Variants in CTIF observed in about 807,000 individuals in gnomAD.
CTIF encodes the protein cap binding complex dependent translation initiation factor.
In CTIF, 21 loss-of-function variants were observed where a neutral mutation model predicts 66.0. That is an observed-to-expected ratio of 0.32 (90% CI 0.23 to 0.46). The LOEUF (loss-of-function observed/expected upper bound fraction) is 0.46, where lower values mean the gene tolerates loss of function less well. Among genes scored for constraint, CTIF ranks in the 20% least tolerant of loss-of-function variants. The probability of loss-of-function intolerance (pLI) is 1.00; values close to 1 mark genes in which losing one functional copy is unlikely to be tolerated. For missense variants in CTIF, 739 were observed against 812.7 expected (o/e 0.91, Z 1.10); for synonymous variants, 345 against 326.4 (o/e 1.06, Z -0.62).
chr18:48,597,682 T>G (rs1025470916), intron 1 of CTIF, among the ~76,000 whole-genome samples: 6 of 151,998 alleles, frequency 3.9e-5, no homozygotes, highest in Admixed American at 1.3e-4. Context: ...GCTGGTGCAA[T>G]GCTTGTACAG....
intron 1 of CTIF, among the ~76,000 whole-genome samples, chr18:48,619,214 G>T (rs2090449373): frequency 1.3e-5 from 2 of 152,198 alleles, no homozygotes; most frequent in South Asian, 4.1e-4. Flanking sequence ...TGGCCTGTAG[G>T]CTGAGCTCAT....
chr18:48,821,118 T>C (rs1568245453), intron 10 of CTIF, among the ~76,000 whole-genome samples: 1 of 152,234 alleles, frequency 6.6e-6, no homozygotes, highest in East Asian at 1.9e-4. Context: ...TCCCTGACAC[T>C]TCTTCCTAGG....
At chr18:48,750,056 A>C (rs969238456) in intron 7 of CTIF, among the ~76,000 whole-genome samples, 1 of 152,210 alleles carries the variant, frequency 6.6e-6, no homozygotes, top group Non-Finnish European at 1.5e-5. Context: ...GGAATGCTGG[A>C]TTCACCCTGG....
intron 1 of CTIF, among the ~76,000 whole-genome samples, chr18:48,616,046 G>A (rs536671760): frequency 6.6e-6 from 1 of 152,314 alleles, no homozygotes; most frequent in South Asian, 2.1e-4. Flanking sequence ...AGACACTCGG[G>A]CATGTTTGGG....
At chr18:48,707,953 A>T (rs1405838429) in intron 6 of CTIF, among the ~76,000 whole-genome samples, 1 of 152,170 alleles carries the variant, frequency 6.6e-6, no homozygotes, top group East Asian at 1.9e-4. Flanking sequence ...GTTTCTTAAA[A>T]ACTGAAATCA....
intron 10 of CTIF, among the ~76,000 whole-genome samples, chr18:48,855,265 C>A (rs1255564408): frequency 6.6e-6 from 1 of 152,202 alleles, no homozygotes; most frequent in East Asian, 1.9e-4. Flanking sequence ...TCTCTACTGA[C>A]TTTGAGGTTA....
chr18:48,725,250 A>C (rs186481674), intron 7 of CTIF, among the ~76,000 whole-genome samples: 1 of 152,264 alleles, frequency 6.6e-6, no homozygotes, highest in African/African-American at 2.4e-5. Context: ...GGGGTGAGAC[A>C]CTTAGAGGGC....
intron 1 of CTIF, among the ~76,000 whole-genome samples, chr18:48,603,849 ATTTT>A (rs34207687): frequency 0.12 from 16,465 of 138,078 alleles, 1,418 homozygotes; most frequent in African/African-American, 0.27. Flanking sequence ...ACTCAGTGAA[ATTTT>A]TTTTTTTTTT....
chr18:48,577,370 G>A (rs781562614), intron 1 of CTIF, among the ~76,000 whole-genome samples: 6 of 152,096 alleles, frequency 3.9e-5, no homozygotes, highest in African/African-American at 1.2e-4. Context: ...TTCCTTCCCC[G>A]GCTTCTCTCA....
At chr18:48,621,645 A>G (rs2090495370) in intron 2 of CTIF, 1 of 316,056 alleles carries the variant, frequency 3.2e-6, no homozygotes, top group South Asian at 2.4e-5. Context: ...AGGCCAGGTA[A>G]GAGGGGCTGA....
At chr18:48,645,729 C>A (rs898845000) in intron 3 of CTIF, among the ~76,000 whole-genome samples, 2 of 152,198 alleles carry the variant, frequency 1.3e-5, no homozygotes, top group East Asian at 3.8e-4. Context: ...TTCATAGACT[C>A]CCAGGGATGA....
intron 7 of CTIF, among the ~76,000 whole-genome samples, chr18:48,741,836 G>A (rs2092557511): frequency 2.6e-5 from 4 of 152,106 alleles, no homozygotes; most frequent in Admixed American, 2.6e-4. Flanking sequence ...ATCTTCCCTT[G>A]GGCCACACTC....
chr18:48,631,843 G>A (rs931089917), intron 2 of CTIF, among the ~76,000 whole-genome samples: 1 of 152,140 alleles, frequency 6.6e-6, no homozygotes, highest in Admixed American at 6.5e-5. Context: ...AAAGGTTCAG[G>A]AGGCTCAAAG....
intron 1 of CTIF, among the ~76,000 whole-genome samples, chr18:48,612,608 G>C (rs2090327057): frequency 1.3e-5 from 2 of 152,246 alleles, no homozygotes; most frequent in Non-Finnish European, 2.9e-5. Context: ...GTGGGGTGAA[G>C]ACGCCAGTGG....
At chr18:48,622,617 T>A (rs1337146480) in intron 2 of CTIF, among the ~76,000 whole-genome samples, 2 of 152,150 alleles carry the variant, frequency 1.3e-5, no homozygotes, top group African/African-American at 2.4e-5. Context: ...ATCCTTTTTT[T>A]AATATACAAA....
chr18:48,781,847 GTC>G (rs1911263390), intron 9 of CTIF, among the ~76,000 whole-genome samples: 1 of 152,194 alleles, frequency 6.6e-6, no homozygotes, highest in Non-Finnish European at 1.5e-5. Context: ...ATTTCTGGCT[GTC>G]TCTGTCTCAT....
intron 2 of CTIF, among the ~76,000 whole-genome samples, chr18:48,635,332 T>TC (rs1213935157): frequency 6.7e-6 from 1 of 148,498 alleles, no homozygotes; most frequent in Non-Finnish European, 1.5e-5. Flanking sequence ...TCTTTCTTTT[T>TC]TTTTTTTTTT....
chr18:48,586,566 C>T (rs1050901093), intron 1 of CTIF, among the ~76,000 whole-genome samples: 4 of 152,166 alleles, frequency 2.6e-5, no homozygotes, highest in Admixed American at 6.5e-5. Context: ...CCACCACGCC[C>T]GGCCTTAAAT....
intron 3 of CTIF, among the ~76,000 whole-genome samples, chr18:48,653,201 A>G (rs1164137756): frequency 2.0e-5 from 3 of 152,226 alleles, no homozygotes; most frequent in Admixed American, 1.3e-4. Flanking sequence ...CCCTGTTTGC[A>G]GATGACATGA....
Sources: allele counts gnomAD v4.1 joint callset (sites outside exome capture counted in the v4.1 genomes callset), GRCh38; gene constraint gnomAD v4.1.1; transcripts MANE v1.5; gene names NCBI Gene and HGNC (gene_info 2026-07-23, HGNC 2026-07-21).